Variants in MEIS3 observed in about 807,000 individuals in gnomAD.
The protein encoded by MEIS3 is homeobox protein Meis3.
Under a neutral mutation model 51.4 loss-of-function variants are expected in MEIS3, and 38 were observed. The ratio of observed to expected loss-of-function variants is 0.74; its 90% confidence interval spans 0.57 to 0.97. The LOEUF (loss-of-function observed/expected upper bound fraction) is 0.97. Among genes scored for constraint, MEIS3 ranks in the 50% least tolerant of loss-of-function variants. The pLI is 0.00. For missense variants in MEIS3, 456 were observed against 502.6 expected (o/e 0.91, Z 0.89); for synonymous variants, 198 against 201.8 (o/e 0.98, Z 0.16).
chr19:47,418,092 A>T (rs1023583213), intron 1 of MEIS3: 2 of 209,496 alleles, frequency 9.5e-6, no homozygotes, highest in East Asian at 1.2e-4. Context: ...GCACCACCAT[A>T]CAGACACGAT....
intron 6 of MEIS3, among the ~76,000 whole-genome samples, chr19:47,411,628 C>T (rs1366527207): frequency 6.6e-6 from 1 of 150,972 alleles, no homozygotes; most frequent in Non-Finnish European, 1.5e-5. Flanking sequence ...GAAACCTATA[C>T]CTCCTGGGTT....
chr19:47,410,356 G>A (rs1236312548), intron 6 of MEIS3, among the ~76,000 whole-genome samples: 1 of 151,518 alleles, frequency 6.6e-6, no homozygotes, highest in Non-Finnish European at 1.5e-5. Flanking sequence ...GCTGAGGCGG[G>A]AGAATCGCTT....
At chr19:47,419,002 G>C in intron 1 of MEIS3, 68 bp downstream of exon 1, 1 of 1,095,464 alleles carries the variant, frequency 9.1e-7, no homozygotes, top group East Asian at 3.2e-5. Flanking sequence ...CAGCGCCGGA[G>C]AGTGGGGGAT....
intron 6 of MEIS3, among the ~76,000 whole-genome samples, chr19:47,411,661 C>T (rs1264679606): frequency 1.3e-5 from 2 of 151,846 alleles, no homozygotes; most frequent in African/African-American, 4.8e-5. Flanking sequence ...CTGCCTCAGC[C>T]TCCCGAGTAG....
At chr19:47,408,312 G>A (rs1317633966) in intron 8 of MEIS3, among the ~76,000 whole-genome samples, 4 of 151,888 alleles carry the variant, frequency 2.6e-5, no homozygotes, top group Non-Finnish European at 4.4e-5. Context: ...TTTAGAGATG[G>A]GGTCTTGCTA....
rs1193328834 is a variant in MEIS3 at position 47,417,927 on chromosome 19, ACACACATG to A, written c.13-585_13-578del. On this transcript the variant is annotated intron_variant, in intron 1 of 12. Coordinates refer to ENST00000558555, the MANE Select transcript of MEIS3 (RefSeq NM_001301059.2). ...GTCACACCCAAATCCCCCCCCCCAC[ACACACATG>A]CACACACACATGCACACAGCCCAAC... The A allele has an allele frequency of 2.1e-5, 12 of 562,866 alleles. No individual in the cohort carries two copies. The African/African-American group carries it at 2.5e-4, about 12-fold the overall frequency. 34.9% of individuals were successfully genotyped at this position (562,866 alleles called of 1,614,324 possible).
chr19:47,404,073 G>C (rs1039651386), intron 12 of MEIS3, among the ~76,000 whole-genome samples: 1 of 152,060 alleles, frequency 6.6e-6, no homozygotes, highest in Non-Finnish European at 1.5e-5. Context: ...GTATGGTGGC[G>C]CACGCCTGTA....
chr19:47,417,646 C>T (rs984010958), intron 1 of MEIS3: 21 of 702,494 alleles, frequency 3.0e-5, no homozygotes, highest in Admixed American at 8.0e-5. Context: ...GAGAAAGTGG[C>T]GTGAGAAGAC....
At chr19:47,413,707 G>A (rs975884047) in intron 6 of MEIS3, among the ~76,000 whole-genome samples, 9 of 151,828 alleles carry the variant, frequency 5.9e-5, no homozygotes, top group Non-Finnish European at 1.3e-4. Flanking sequence ...CCACCTTACT[G>A]AGTTGCTTTG....
intron 1 of MEIS3, 97 bp from the exon 2 acceptor site, chr19:47,417,447 G>T (rs1180197747): frequency 7.1e-7 from 1 of 1,410,912 alleles, no homozygotes; most frequent in East Asian, 2.4e-5. Context: ...CCCAGGAGAT[G>T]CCCTTCTGTG....
intron 6 of MEIS3, among the ~76,000 whole-genome samples, chr19:47,413,089 C>A (rs536043496): frequency 4.0e-5 from 6 of 151,490 alleles, no homozygotes; most frequent in African/African-American, 1.5e-4. Context: ...GATTCCTGTG[C>A]GAGTGGGTAT....
At chr19:47,415,718 C>T (rs1039354586) in intron 4 of MEIS3, among the ~76,000 whole-genome samples, 21 of 151,500 alleles carry the variant, frequency 1.4e-4, no homozygotes, top group Admixed American at 3.3e-4. Context: ...GGACTACAGG[C>T]GTGCACCACT....
intron 1 of MEIS3, 41 bp downstream of exon 1, chr19:47,419,029 C>T (rs1026070884): frequency 1.6e-6 from 2 of 1,236,480 alleles, no homozygotes; most frequent in East Asian, 3.1e-5. Context: ...ACAGGGGGTG[C>T]GGAAGCGGCC....
rs1971016270 is a variant in MEIS3 at position 47,409,476 on chromosome 19, C to T, written c.669G>A (p.Gly223=). The T allele has an allele frequency of 6.8e-6, 11 of 1,614,114 alleles. No individual in the cohort carries two copies. Among genetic ancestry groups the T allele is most frequent in the Non-Finnish European group, 9.3e-6 (11 of 1,179,974 alleles). The part of the protein sequence containing the change: ...VHLGTPGPSS[G]GLASQSGDNS... ...TGTCCCCACTCTGGGAGGCCAGGCC[C>T]CCACTGGATGGACCTGGGGTCCCCA... The change falls in exon 7 of 13, where the codon GGG becomes GGA. Residue 223 remains glycine, a synonymous_variant. Coordinates refer to ENST00000558555, the MANE Select transcript of MEIS3 (RefSeq NM_001301059.2).
Position 47,409,163 on chromosome 19 carries a change from T to C in MEIS3, c.794A>G (p.Lys265Arg). The C allele has an allele frequency of 6.2e-7, 1 of 1,612,380 alleles. No homozygotes were observed. Among genetic ancestry groups the C allele is most frequent in the Non-Finnish European group, 8.5e-7 (1 of 1,179,992 alleles). Residue 265 changes from lysine to arginine, a missense_variant, in exon 8 of 13, where the codon AAG becomes AGG. Coordinates refer to ENST00000558555, the MANE Select transcript of MEIS3 (RefSeq NM_001301059.2). Reference protein sequence around the residue: ...DLDQERRRNKKRGIFPKVATN... With the variant: ...DLDQERRRNKRRGIFPKVATN... The stretch of plus-strand genomic sequence containing the variant: ...GGCCACCTTGGGGAAGATCCCCCTC[T>C]TCTTGTTTCGCCGTCGCTCCTGGTC...
intron 6 of MEIS3, among the ~76,000 whole-genome samples, chr19:47,412,721 C>T (rs1323967738): frequency 6.6e-6 from 1 of 152,156 alleles, no homozygotes; most frequent in Non-Finnish European, 1.5e-5. Flanking sequence ...GCCACCACGC[C>T]TGTCTAATTT....
At chr19:47,409,667 T>C (rs574800955) in intron 6 of MEIS3, 120 bp from the exon 7 acceptor site, 1 of 637,008 alleles carries the variant, frequency 1.6e-6, no homozygotes, top group African/African-American at 1.8e-5. Flanking sequence ...ATCAAGACCA[T>C]CATGGCTAAC....
chr19:47,420,906 T>TCACA (rs1243936482), upstream of MEIS3, among the ~76,000 whole-genome samples: 18 of 91,740 alleles, frequency 2.0e-4, no homozygotes, highest in East Asian at 1.1e-3. Context: ...TCTCTCTCTC[T>TCACA]CTCTCACACA....
chr19:47,419,995 G>C (rs925261612), upstream of MEIS3, among the ~76,000 whole-genome samples: 1 of 152,132 alleles, frequency 6.6e-6, no homozygotes, highest in Non-Finnish European at 1.5e-5. Context: ...GGCGGGGGTG[G>C]GCTGTGGATA....
Sources: gnomAD v4.1 joint callset for allele counts (sites outside exome capture counted in the v4.1 genomes callset) on GRCh38, gnomAD v4.1.1 for gene constraint, MANE v1.5 for transcripts, NCBI Gene and HGNC (gene_info 2026-07-23, HGNC 2026-07-21) for gene names.